The following TIMM17A variants were observed in gnomAD, a reference collection of about 807,000 sequenced individuals.
TIMM17A encodes mitochondrial import inner membrane translocase subunit Tim17-A.
In TIMM17A, 15 loss-of-function variants were observed where a neutral mutation model predicts 26.5. That is an observed-to-expected ratio of 0.57 (90% CI 0.38 to 0.87). The LOEUF is 0.87. TIMM17A is among the 40% of genes least tolerant of loss of function. The pLI, the probability that TIMM17A is intolerant of heterozygous loss-of-function variation, is 0.00. For missense variants in TIMM17A, 201 were observed against 210.0 expected, an observed-to-expected ratio of 0.96 and a Z score of 0.27; for synonymous variants, 80 against 70.8, an observed-to-expected ratio of 1.13 and a Z score of -0.66.
At chr1:201,967,726 A>G (rs1682660915) in intron 5 of TIMM17A, among the ~76,000 whole-genome samples, 1 of 151,802 alleles carries the variant, frequency 6.6e-6, no homozygotes, top group Non-Finnish European at 1.5e-5. Context: ...TATTTTTTGT[A>G]GAGATGAGGT....
chr1:201,965,876 A>G (rs940196675), intron 5 of TIMM17A, among the ~76,000 whole-genome samples: 2 of 152,244 alleles, frequency 1.3e-5, no homozygotes, highest in Non-Finnish European at 2.9e-5. Flanking sequence ...TTAGTATTGT[A>G]CATCTACATG....
rs147195258 is a variant in TIMM17A at position 201,960,189 on chromosome 1, G to A, written c.190+2615G>A. Among the ~76,000 whole-genome samples, 12 of 151,980 alleles carry A rather than the reference G, an allele frequency of 7.9e-5. No homozygotes were observed. In the East Asian group the frequency reaches 2.3e-3, roughly 29 times the overall value. On this transcript the variant is annotated intron_variant, in intron 3 of 5. Coordinates refer to ENST00000367287, the MANE Select transcript of TIMM17A (RefSeq NM_006335.3). ...CTGAGGCAGTAGATTACCTAAGGTC[G>A]AGAGTTCGAAACCATCCTGGCCAAC...
chr1:201,955,826 C>G (rs959931850), intron 1 of TIMM17A, among the ~76,000 whole-genome samples: 2 of 152,212 alleles, frequency 1.3e-5, no homozygotes, highest in African/African-American at 4.8e-5. Flanking sequence ...GATAGAACCT[C>G]GGAACCTCCT....
intron 3 of TIMM17A, among the ~76,000 whole-genome samples, chr1:201,961,618 A>G (rs1024728953): frequency 4.6e-5 from 7 of 152,120 alleles, no homozygotes; most frequent in African/African-American, 1.7e-4. Context: ...TTGGGAGGCC[A>G]AGGCAGGAGA....
intron 1 of TIMM17A, among the ~76,000 whole-genome samples, chr1:201,956,942 T>TGA (rs1425308325): frequency 2.1e-5 from 3 of 141,704 alleles, no homozygotes; most frequent in Non-Finnish European, 3.0e-5. Flanking sequence ...GGTGACAGAG[T>TGA]GAGACTCCAT....
At chr1:201,962,995 T>C (rs1470337252) in intron 3 of TIMM17A, 1 of 152,266 alleles carries the variant, frequency 6.6e-6, no homozygotes, top group Non-Finnish European at 1.5e-5. Flanking sequence ...TTATTGCTGC[T>C]TAAACCAGAG....
At chr1:201,965,274 G>T (rs536847398) in intron 4 of TIMM17A, among the ~76,000 whole-genome samples, 159 bp from the exon 5 acceptor site, 1 of 152,312 alleles carries the variant, frequency 6.6e-6, no homozygotes, top group East Asian at 1.9e-4. Context: ...TGGGTGGACT[G>T]TGGGTGGCTG....
chr1:201,957,392 A>T lies in TIMM17A; in HGVS notation c.126+12A>T. ...GCAATTCTCCAGTGGTAAGTGGGTG[A>T]ATGGTCTTATTTTATCATCACTTGC... On this transcript the variant is annotated intron_variant, in intron 2 of 5. Transcript: ENST00000367287. 1 of 1,606,824 alleles carries T rather than the reference A, an allele frequency of 6.2e-7. No homozygotes were observed. Among genetic ancestry groups the T allele is most frequent in the Non-Finnish European group, 8.5e-7 (1 of 1,173,626 alleles).
chr1:201,965,381 C>T (rs527554300), intron 4 of TIMM17A, 52 bp from the exon 5 acceptor site: 2 of 1,263,014 alleles, frequency 1.6e-6, no homozygotes, highest in Non-Finnish European at 1.2e-6. Flanking sequence ...CTATCTCTTA[C>T]AGTAAACTAG....
In TIMM17A at chr1:201,957,755, G is replaced by C. The variant is rs1021647953; in HGVS notation, c.190+181G>C. 5 of 535,586 alleles carry C rather than the reference G, an allele frequency of 9.3e-6. No homozygotes were observed. The African/African-American group carries it at 1.0e-4, about 11-fold the overall frequency. The allele number at this position is 535,586 out of a possible 1,614,324, so 33.2% of individuals were successfully genotyped here. ...TGTTTGAAAAATTAACCTGAATTAT[G>C]ATACCCATTTGAAAATCTTGTCTCT... On this transcript the variant is annotated intron_variant, in intron 3 of 5. Coordinates refer to ENST00000367287, the MANE Select transcript of TIMM17A (RefSeq NM_006335.3).
At position 201,957,580 on chromosome 1, in the gene TIMM17A, C is replaced by G. The variant is rs564065509; in HGVS notation, c.190+6C>G. The G allele has an allele frequency of 6.2e-7, 1 of 1,607,174 alleles. No individual in the cohort carries two copies. The highest frequency in any genetic ancestry group is 1.3e-5 in the African/African-American group (1 of 74,662). ...CAGGGCTCCACAGTTAGGAGGTAAG[C>G]AGAATTTTCATTTTAACTGAACTAT... On this transcript the variant is annotated splice_donor_region_variant and intron_variant, in intron 3 of 5. Transcript: ENST00000367287.
At chr1:201,960,549 T>C (rs1487200305) in intron 3 of TIMM17A, among the ~76,000 whole-genome samples, 3 of 152,216 alleles carry the variant, frequency 2.0e-5, no homozygotes, top group Non-Finnish European at 4.4e-5. Context: ...AGTGGTGATA[T>C]GAGTGAATTG....
chr1:201,957,602 C>T (rs1477402516), intron 3 of TIMM17A, 28 bp downstream of exon 3: 1 of 1,560,098 alleles, frequency 6.4e-7, no homozygotes, highest in Non-Finnish European at 8.7e-7. Context: ...TTTAACTGAA[C>T]TATTTTTTTC....
chr1:201,968,390 G>A (rs920215338), intron 5 of TIMM17A, among the ~76,000 whole-genome samples: 1 of 149,818 alleles, frequency 6.7e-6, no homozygotes, highest in Admixed American at 6.7e-5. Context: ...GGGTTTTTTT[G>A]TTTTTGTTTG....
At chr1:201,965,361 C>G (rs935771299) in intron 4 of TIMM17A, 72 bp from the exon 5 acceptor site, 11 of 1,087,390 alleles carry the variant, frequency 1.0e-5, no homozygotes, top group Non-Finnish European at 1.4e-5. Flanking sequence ...ATGGACAGTT[C>G]TCTTCTTTAC....
intron 3 of TIMM17A, among the ~76,000 whole-genome samples, chr1:201,960,025 TAAATG>T (rs949995698): frequency 3.6e-5 from 5 of 138,700 alleles, no homozygotes; most frequent in African/African-American, 1.3e-4. Context: ...TAAATAAAAA[TAAATG>T]TAATGTGGTA....
chr1:201,956,405 A>G (rs961811188), intron 1 of TIMM17A, among the ~76,000 whole-genome samples: 4 of 152,182 alleles, frequency 2.6e-5, no homozygotes, highest in Non-Finnish European at 4.4e-5. Flanking sequence ...CAATTTGTGA[A>G]AGTGCCCAGG....
At position 201,963,682 on chromosome 1, in the gene TIMM17A, A is replaced by G. The variant is rs1341187421; in HGVS notation, c.257A>G (p.Lys86Arg). 6 of 1,611,786 alleles carry G rather than the reference A, an allele frequency of 3.7e-6. No individual in the cohort carries two copies. Among genetic ancestry groups the G allele is most frequent in the Non-Finnish European group, 5.1e-6 (6 of 1,179,434 alleles). ...TGTAGTATGGTTCAAGTCAGAGGAAAGGAAGATCCCTGGAACTCCATCACA... is the reference window on the plus strand; with the variant it reads ...TGTAGTATGGTTCAAGTCAGAGGAAGGGAAGATCCCTGGAACTCCATCACA... Reference protein sequence around the residue: ...IDCSMVQVRGKEDPWNSITSG... With the variant: ...IDCSMVQVRGREDPWNSITSG... The change falls in exon 4 of 6, where the codon AAG becomes AGG. Residue 86 changes from lysine to arginine, a missense_variant. Coordinates refer to ENST00000367287, the MANE Select transcript of TIMM17A (RefSeq NM_006335.3).
intron 4 of TIMM17A, among the ~76,000 whole-genome samples, chr1:201,964,191 T>A (rs1682581694): frequency 6.6e-6 from 1 of 152,168 alleles, no homozygotes; most frequent in Non-Finnish European, 1.5e-5. Flanking sequence ...ATTTGGAATA[T>A]TTGAGAATGA....
Sources: allele counts gnomAD v4.1 joint callset (sites outside exome capture counted in the v4.1 genomes callset), GRCh38; gene constraint gnomAD v4.1.1; transcripts MANE v1.5; gene names NCBI Gene and HGNC (gene_info 2026-07-23, HGNC 2026-07-21).